RABEP1: variants seen among roughly 807,000 people sequenced by gnomAD.
RABEP1 encodes rab GTPase-binding effector protein 1.
RABEP1 carries 51 observed loss-of-function variants against 123.4 expected under a neutral mutation model. The observed-to-expected ratio is 0.41, with a 90% confidence interval of 0.33 to 0.52. RABEP1 has a LOEUF of 0.52. RABEP1 is among the 20% of genes least tolerant of loss of function. The probability of loss-of-function intolerance (pLI) is 0.16; values close to 1 mark genes in which losing one functional copy is unlikely to be tolerated. For missense variants in RABEP1, 888 were observed against 996.3 expected, an observed-to-expected ratio of 0.89 and a Z score of 1.46; for synonymous variants, 347 against 355.2, an observed-to-expected ratio of 0.98 and a Z score of 0.26.
Position 5,363,350 on chromosome 17 carries a change from G to T in RABEP1, c.1668+334G>T, listed in dbSNP as rs547661416. ...TTCTTCTCCCTCAGCCTGCCGAGTAGCTGGGATTACAGGGACACGCCACCA... is the reference window on the plus strand; with the variant it reads ...TTCTTCTCCCTCAGCCTGCCGAGTATCTGGGATTACAGGGACACGCCACCA... On this transcript the variant is annotated intron_variant, in intron 10 of 17. Transcript: ENST00000537505. 7.2e-5 allele frequency among the ~76,000 whole-genome samples: 11 copies of T among 152,034 alleles called. No individual in the cohort carries two copies. In the South Asian group the frequency reaches 2.3e-3, roughly 32 times the overall value.
At chr17:5,327,173 C>G (rs1372824798) in intron 2 of RABEP1, among the ~76,000 whole-genome samples, 2 of 152,136 alleles carry the variant, frequency 1.3e-5, no homozygotes, top group Non-Finnish European at 2.9e-5. Flanking sequence ...CATGGCGACA[C>G]TCCGTCTTTA....
intron 6 of RABEP1, among the ~76,000 whole-genome samples, chr17:5,347,388 CGACAGAGCGA>C (rs1334778534): frequency 6.6e-6 from 1 of 151,354 alleles, no homozygotes; most frequent in Non-Finnish European, 1.5e-5. Context: ...CTGTCCTGGG[CGACAGAGCGA>C]GACTTCATCT....
intron 12 of RABEP1, among the ~76,000 whole-genome samples, chr17:5,372,230 G>T (rs1910577930): frequency 6.6e-6 from 1 of 152,020 alleles, no homozygotes; most frequent in African/African-American, 2.4e-5. Context: ...GGATCACGAG[G>T]TCAGGAGATT....
At chr17:5,376,785 G>T (rs1366411267) in intron 13 of RABEP1, among the ~76,000 whole-genome samples, 1 of 152,110 alleles carries the variant, frequency 6.6e-6, no homozygotes, top group Non-Finnish European at 1.5e-5. Context: ...CCAAATTTCT[G>T]CAAGTAATAG....
rs771520435 is a variant in RABEP1 at position 5,361,368 on chromosome 17, C to A, written c.1256C>A (p.Ser419Tyr). 7.4e-6 allele frequency: 12 copies of A among 1,614,010 alleles called. No homozygotes were observed. The highest frequency in any genetic ancestry group is 6.8e-6 in the Non-Finnish European group (8 of 1,180,036). ...DSLGTSGSLQ[S>Y]KALGYNYKAK... ...TTGGGAACCTCGGGCTCATTGCAATCCAAAGCTTTAGGCTATAACTACAAA... is the reference window on the plus strand; with the variant it reads ...TTGGGAACCTCGGGCTCATTGCAATACAAAGCTTTAGGCTATAACTACAAA... Residue 419 changes from serine (S) to tyrosine (Y), a missense_variant, in exon 9 of 18, where the codon TCC becomes TAC. Transcript: ENST00000537505.
Position 5,346,881 on chromosome 17 carries a change from T to G in RABEP1, c.740T>G (p.Val247Gly). The G allele has an allele frequency of 6.2e-7, 1 of 1,607,722 alleles. No homozygotes were observed. Among genetic ancestry groups the G allele is most frequent in the Non-Finnish European group, 8.5e-7 (1 of 1,176,182 alleles). Reference protein sequence around the residue: ...YVAVLNTQKSVLQEDAEKLRK... With the variant: ...YVAVLNTQKSGLQEDAEKLRK... The stretch of plus-strand genomic sequence containing the variant: ...GCTGTTTTGAATACTCAGAAATCTG[T>G]TCTACAGGAAGATGCTGAGAAACTG... Residue 247 changes from valine to glycine, a missense_variant, in exon 6 of 18, where the codon GTT (valine) becomes GGT (glycine). Transcript: ENST00000537505.
intron 1 of RABEP1, among the ~76,000 whole-genome samples, chr17:5,283,681 C>G (rs754171772): frequency 6.6e-6 from 1 of 152,144 alleles, no homozygotes; most frequent in Non-Finnish European, 1.5e-5. Flanking sequence ...TCAAAATAAC[C>G]TTTCGTGAAA....
At chr17:5,305,918 TGTTA>T (rs541185457) in intron 1 of RABEP1, among the ~76,000 whole-genome samples, 1 of 152,292 alleles carries the variant, frequency 6.6e-6, no homozygotes, top group East Asian at 1.9e-4. Flanking sequence ...AGACCCTACA[TGTTA>T]GTTCCTCAAA....
Position 5,378,177 on chromosome 17 carries a change from C to T in RABEP1, c.2216C>T (p.Ala739Val), listed in dbSNP as rs1427733483. 25 of 1,577,450 alleles carry T rather than the reference C, an allele frequency of 1.6e-5. No homozygotes were observed. Among genetic ancestry groups the T allele is most frequent in the Middle Eastern group, 1.7e-4 (1 of 5,964 alleles). ...LEIENCKEEI[A>V]SISSLKAELE... ...ATACATCTCATTTTTTTCCTTCTAG[C>T]TTCTATTTCTAGCCTAAAAGCTGAA... The change falls in exon 15 of 18, where the codon GCT (alanine) becomes GTT (valine). Residue 739 changes from alanine (A) to valine (V), a missense_variant and splice_region_variant. Physicochemically the swap from Ala to Val is moderately conservative, Grantham distance 64. Coordinates refer to ENST00000537505, the MANE Select transcript of RABEP1 (RefSeq NM_004703.6).
intron 13 of RABEP1, among the ~76,000 whole-genome samples, chr17:5,374,859 G>C (rs1910858500): frequency 6.6e-6 from 1 of 152,108 alleles, no homozygotes; most frequent in African/African-American, 2.4e-5. Context: ...GGCTAGGCTG[G>C]TCTCCAACTC....
At chr17:5,377,716 C>T (rs772671784) in intron 14 of RABEP1, among the ~76,000 whole-genome samples, 5 of 151,774 alleles carry the variant, frequency 3.3e-5, no homozygotes, top group South Asian at 2.1e-4. Context: ...TTAGTAGAGA[C>T]GGGTTTCTCC....
intron 3 of RABEP1, among the ~76,000 whole-genome samples, chr17:5,334,700 T>C (rs1906897843): frequency 6.6e-6 from 1 of 152,190 alleles, no homozygotes; most frequent in South Asian, 2.1e-4. Flanking sequence ...AGAAAGCGAT[T>C]TTTTTAAAGA....
At chr17:5,335,482 A>C (rs951736914) in intron 4 of RABEP1, 138 bp downstream of exon 4, 2 of 707,258 alleles carry the variant, frequency 2.8e-6, no homozygotes, top group Non-Finnish European at 4.6e-6. Context: ...ACCTAAACAT[A>C]GTACTAAATA....
chr17:5,382,491 A>G (rs1012534801), intron 17 of RABEP1, among the ~76,000 whole-genome samples: 1 of 151,774 alleles, frequency 6.6e-6, no homozygotes, highest in Non-Finnish European at 1.5e-5. Flanking sequence ...GCTCACGCCT[A>G]TAATCCCAGC....
At chr17:5,342,048 A>T (rs138666660) in intron 5 of RABEP1, among the ~76,000 whole-genome samples, 223 of 152,344 alleles carry the variant, frequency 1.5e-3, no homozygotes, top group Non-Finnish European at 2.7e-3. Context: ...AATTGTCTGT[A>T]TAAAGAAACC....
At chr17:5,336,634 C>A in intron 4 of RABEP1, 1 of 350,218 alleles carries the variant, frequency 2.9e-6, no homozygotes. Context: ...TGATGACATT[C>A]AGCACTTGGA....
intron 1 of RABEP1, among the ~76,000 whole-genome samples, chr17:5,299,407 C>T (rs564038259): frequency 6.1e-5 from 9 of 147,976 alleles, no homozygotes; most frequent in Non-Finnish European, 1.2e-4. Context: ...AGCAGTTTTA[C>T]TTAAATCACT....
chr17:5,368,899 G>T (rs1248328331), intron 12 of RABEP1, among the ~76,000 whole-genome samples: 1 of 152,144 alleles, frequency 6.6e-6, no homozygotes. Flanking sequence ...ACGAGGTCAG[G>T]AGATTGAGAC....
At chr17:5,342,664 A>C (rs562747589) in intron 5 of RABEP1, among the ~76,000 whole-genome samples, 1 of 152,304 alleles carries the variant, frequency 6.6e-6, no homozygotes, top group Admixed American at 6.5e-5. Flanking sequence ...ATTTTACTTA[A>C]ATTTCAATAG....
Sources: gnomAD v4.1 joint callset for allele counts (sites outside exome capture counted in the v4.1 genomes callset) on GRCh38, gnomAD v4.1.1 for gene constraint, MANE v1.5 for transcripts, NCBI Gene and HGNC (gene_info 2026-07-23, HGNC 2026-07-21) for gene names.